KDM4F: variants seen among roughly 807,000 people sequenced by gnomAD.
The protein encoded by KDM4F is probable lysine-specific demethylase 4F.
For missense variants in KDM4F, 586 were observed against 496.4 expected, an observed-to-expected ratio of 1.18 and a Z score of -1.71; for synonymous variants, 223 against 184.4, an observed-to-expected ratio of 1.21 and a Z score of -1.70.
chr11:95,050,717 T>C, exon 1 of KDM4F: 1 of 633,476 alleles, frequency 1.6e-6, no homozygotes, highest in East Asian at 2.7e-5. Context: ...GCTGTGGTCG[T>C]GGTCGAGGTC....
chr11:95,050,142 C>A (rs1202202202), exon 1 of KDM4F: 1 of 1,551,516 alleles, frequency 6.4e-7, no homozygotes, highest in African/African-American at 1.4e-5. Context: ...CTTCCTGCGG[C>A]ACAAGGTGGC....
exon 1 of KDM4F, chr11:95,050,715 C>T (rs920750221): frequency 6.3e-6 from 4 of 631,986 alleles, no homozygotes; most frequent in South Asian, 1.8e-5. Context: ...TGGCTGTGGT[C>T]GTGGTCGAGG....
exon 1 of KDM4F, chr11:95,050,477 C>G (rs1176758336): frequency 1.4e-6 from 1 of 740,324 alleles, no homozygotes; most frequent in Non-Finnish European, 2.4e-6. Context: ...TTGCAGAAAG[C>G]CAAGAGCCGA....
At chr11:95,049,706 G>A in exon 1 of KDM4F, 1 of 1,604,806 alleles carries the variant, frequency 6.2e-7, no homozygotes, top group East Asian at 2.2e-5. Context: ...CCATGAGGGT[G>A]GGGCAGTATC....
exon 1 of KDM4F, chr11:95,050,191 C>G: frequency 1.3e-6 from 2 of 1,548,286 alleles, no homozygotes; most frequent in East Asian, 4.5e-5. Context: ...AATGGGATCC[C>G]CTTCAATCGC....
chr11:95,050,464 G>T (rs1160222427), exon 1 of KDM4F: 2 of 757,432 alleles, frequency 2.6e-6, no homozygotes, highest in Non-Finnish European at 4.6e-6. Context: ...ATGGAGCCCA[G>T]GGTTGCAGAA....
At chr11:95,050,299 C>T in exon 1 of KDM4F, 1 of 1,397,810 alleles carries the variant, frequency 7.2e-7, no homozygotes, top group Non-Finnish European at 1.0e-6. Context: ...ATCAACTTTG[C>T]CACTCCACGA....
exon 1 of KDM4F, chr11:95,049,795 G>A (rs1858492635): frequency 1.9e-6 from 3 of 1,596,300 alleles, no homozygotes; most frequent in African/African-American, 1.3e-5. Context: ...TACTGGAAGA[G>A]CCACCCCGGT....
At chr11:95,050,258 C>G in exon 1 of KDM4F, 1 of 1,538,360 alleles carries the variant, frequency 6.5e-7, no homozygotes, top group Admixed American at 1.7e-5. Context: ...ACCATGCTGG[C>G]TTCAATCACG....
chr11:95,049,744 A>C (rs1320079080), exon 1 of KDM4F: 2 of 1,605,228 alleles, frequency 1.2e-6, no homozygotes, highest in East Asian at 4.5e-5. Context: ...AAAAAATATC[A>C]GACTCCGCCA....
rs546121542 is a variant in KDM4F at position 95,049,828 on chromosome 11, A to T, written c.407A>T (p.Asp136Val). 454 of 1,597,530 alleles carry T rather than the reference A, an allele frequency of 2.8e-4. 2 individuals carry two copies. The African/African-American group carries it at 5.4e-3, about 19-fold the overall frequency. The change falls in exon 1 of 1, where the codon GAT (aspartate) becomes GTT (valine). Residue 136 changes from aspartate (D) to valine (V), a missense_variant. Physicochemically the swap from Asp to Val is radical, Grantham distance 152 (BLOSUM62 -3). Transcript: ENST00000545950. ...GGTAATCCACCAATTTATGGTGCTG[A>T]TATCAGCGGCTCCTTATTTGAAGAA... is the stretch of plus-strand genomic sequence containing the variant.
chr11:95,049,932 G>T, exon 1 of KDM4F: 1 of 1,613,930 alleles, frequency 6.2e-7, no homozygotes, highest in Non-Finnish European at 8.5e-7. Context: ...TGTCATCGAG[G>T]GTGTCAACAC....
chr11:95,049,791 A>G, exon 1 of KDM4F: 1 of 1,597,832 alleles, frequency 6.3e-7, no homozygotes, highest in East Asian at 2.3e-5. Context: ...ACGATACTGG[A>G]AGAGCCACCC....
chr11:95,050,889 C>T (rs1193474548), exon 1 of KDM4F: 1 of 509,230 alleles, frequency 2.0e-6, no homozygotes, highest in African/African-American at 1.9e-5. Context: ...CAAACCCGCA[C>T]CTTTGAGCGG....
exon 1 of KDM4F, chr11:95,050,280 G>A (rs1006629641): frequency 3.4e-5 from 50 of 1,472,870 alleles, no homozygotes; most frequent in East Asian, 2.9e-4. Context: ...CTTCAACTGC[G>A]CAGAGGCCAT....
At chr11:95,050,338 A>G (rs1471928942) in exon 1 of KDM4F, 6 of 1,236,850 alleles carry the variant, frequency 4.9e-6, no homozygotes, top group Admixed American at 1.7e-5. Context: ...GTGGCTTCAC[A>G]GTGTAGCTGT....
chr11:95,050,348 T>G (rs1858498835), exon 1 of KDM4F: 1 of 1,177,046 alleles, frequency 8.5e-7, no homozygotes, highest in Non-Finnish European at 1.3e-6. Context: ...AGTGTAGCTG[T>G]GGCGAGGCGA....
exon 1 of KDM4F, chr11:95,050,395 T>C: frequency 1.1e-6 from 1 of 906,214 alleles, no homozygotes; most frequent in South Asian, 1.3e-5. Flanking sequence ...GTGCGCATCC[T>C]GCAACCCGAG....
chr11:95,049,709 G>T, exon 1 of KDM4F: 2 of 1,604,910 alleles, frequency 1.2e-6, no homozygotes. Context: ...TGAGGGTGGG[G>T]CAGTATCGCC....
Sources: allele counts gnomAD v4.1 joint callset, GRCh38; gene constraint gnomAD v4.1.1; transcripts MANE v1.5; gene names NCBI Gene and HGNC (gene_info 2026-07-23, HGNC 2026-07-21).